PEX7: variants seen among roughly 807,000 people sequenced by gnomAD.
PEX7 encodes the protein peroxisomal biogenesis factor 7.
Under a neutral mutation model 47.5 loss-of-function variants are expected in PEX7, and 34 were observed. That is an observed-to-expected ratio of 0.72 (90% CI 0.54 to 0.95). The LOEUF (loss-of-function observed/expected upper bound fraction) is 0.95, where lower values mean the gene tolerates loss of function less well. Among genes scored for constraint, PEX7 ranks in the 40% least tolerant of loss-of-function variants. The pLI, the probability that PEX7 is intolerant of heterozygous loss-of-function variation, is 0.00. For synonymous variants in PEX7, 141 were observed against 148.8 expected (o/e 0.95, Z 0.38); for missense variants, 394 against 400.3 (o/e 0.98, Z 0.13).
chr6:136,902,189 TAGAA>T (rs975540036), intron 9 of PEX7, among the ~76,000 whole-genome samples: 2 of 152,344 alleles, frequency 1.3e-5, no homozygotes, highest in Middle Eastern at 3.4e-3. Context: ...TTTATTCCCT[TAGAA>T]AGTATCTTTC....
rs1774167462 is a variant in PEX7, at chr6:136,825,277, G to A, written c.188+6G>A. ...GGGCTAAGGCTTTTTAGAAGGTAAGGGGGCTGAAATTATTAAAGGTATATA... is the reference window on the plus strand; with the variant it reads ...GGGCTAAGGCTTTTTAGAAGGTAAGAGGGCTGAAATTATTAAAGGTATATA... On this transcript the variant is annotated splice_donor_region_variant and intron_variant, in intron 2 of 9. Transcript: ENST00000318471. 1.9e-6 allele frequency: 3 copies of A among 1,607,576 alleles called. No individual in the cohort carries two copies. The highest frequency in any genetic ancestry group is 1.7e-5 in the Admixed American group (1 of 59,990).
chr6:136,877,539 C>T (rs1048768705), intron 8 of PEX7, among the ~76,000 whole-genome samples: 15 of 152,166 alleles, frequency 9.9e-5, no homozygotes, highest in African/African-American at 3.6e-4. Context: ...TATGGCTAAC[C>T]AGTTTTTCCA....
At chr6:136,843,782 C>A (rs1449409925) in intron 3 of PEX7, among the ~76,000 whole-genome samples, 1 of 152,076 alleles carries the variant, frequency 6.6e-6, no homozygotes, top group Non-Finnish European at 1.5e-5. Context: ...TAGCTGCTGT[C>A]TGTTGCTGGA....
At chr6:136,903,716 A>G (rs934372622) in intron 9 of PEX7, among the ~76,000 whole-genome samples, 15 of 152,044 alleles carry the variant, frequency 9.9e-5, no homozygotes, top group African/African-American at 3.4e-4. Flanking sequence ...GCTGGAATGC[A>G]GTGGTACGTC....
chr6:136,827,663 G>C (rs1325904981), intron 3 of PEX7, among the ~76,000 whole-genome samples: 1 of 152,034 alleles, frequency 6.6e-6, no homozygotes, highest in Non-Finnish European at 1.5e-5. Context: ...CACCCGAGTA[G>C]CTGGGATTAC....
intron 6 of PEX7, among the ~76,000 whole-genome samples, chr6:136,867,077 G>A (rs1417931149): frequency 1.3e-5 from 2 of 152,074 alleles, no homozygotes; most frequent in Non-Finnish European, 2.9e-5. Context: ...CACTTTGCTA[G>A]TCAGGCTGTT....
intron 3 of PEX7, among the ~76,000 whole-genome samples, chr6:136,843,915 C>T (rs950012210): frequency 6.6e-6 from 1 of 151,050 alleles, no homozygotes; most frequent in Non-Finnish European, 1.5e-5. Flanking sequence ...TAAGGGGGCC[C>T]CAAAAAACTT....
In PEX7 at chr6:136,846,104, C is replaced by G. The variant is rs957954726; in HGVS notation, c.449C>G (p.Thr150Ser). The change falls in exon 5 of 10, where the codon ACC (threonine) becomes AGC (serine). Residue 150 changes from threonine to serine, a missense_variant. Coordinates refer to ENST00000318471, the MANE Select transcript of PEX7 (RefSeq NM_000288.4). ...CCAACTGTTGGAAAGTCTCTGTGCA[C>G]CTTTAGAGGCCATGAAAGTATTATT... ...WDPTVGKSLCTFRGHESIIYS... is the reference protein window; with the variant it reads ...WDPTVGKSLCSFRGHESIIYS... 6.2e-7 allele frequency: 1 copy of G among 1,612,976 alleles called. No homozygotes were observed. The highest frequency in any genetic ancestry group is 1.3e-5 in the African/African-American group (1 of 74,962).
chr6:136,868,097 G>A (rs746951953), intron 6 of PEX7, among the ~76,000 whole-genome samples: 5 of 152,154 alleles, frequency 3.3e-5, no homozygotes, highest in Non-Finnish European at 5.9e-5. Context: ...GTAGCCTACA[G>A]TATTCAGTAC....
At chr6:136,902,636 A>T (rs1443960464) in intron 9 of PEX7, among the ~76,000 whole-genome samples, 1 of 151,024 alleles carries the variant, frequency 6.6e-6, no homozygotes, top group Non-Finnish European at 1.5e-5. Flanking sequence ...TTTCTTTCTT[A>T]TCCTTCTTAT....
At chr6:136,849,480 G>A (rs188722575) in intron 5 of PEX7, among the ~76,000 whole-genome samples, 3 of 152,066 alleles carry the variant, frequency 2.0e-5, no homozygotes, top group African/African-American at 7.2e-5. Context: ...TCTTTCTCTT[G>A]TGGGCATTTA....
intron 5 of PEX7, among the ~76,000 whole-genome samples, chr6:136,855,256 G>A (rs1774838889): frequency 6.6e-6 from 1 of 151,924 alleles, no homozygotes; most frequent in African/African-American, 2.4e-5. Context: ...ACAATTGATA[G>A]GTCTTAAAAA....
At chr6:136,835,513 T>A (rs1352025100) in intron 3 of PEX7, among the ~76,000 whole-genome samples, 1 of 152,114 alleles carries the variant, frequency 6.6e-6, no homozygotes, top group South Asian at 2.1e-4. Context: ...GGTCTCGAAC[T>A]CCTGACCTTG....
intron 1 of PEX7, chr6:136,823,343 C>G (rs2115124663): frequency 1.0e-6 from 1 of 985,410 alleles, no homozygotes; most frequent in Admixed American, 6.1e-5. Context: ...TCAGTTCTTA[C>G]CTGTAGTTGT....
At chr6:136,833,581 T>G (rs1412436857) in intron 3 of PEX7, among the ~76,000 whole-genome samples, 4 of 152,234 alleles carry the variant, frequency 2.6e-5, no homozygotes, top group Admixed American at 1.3e-4. Context: ...TATTTCTTTT[T>G]GCATATTTAG....
chr6:136,862,043 T>A (rs1203496548), intron 5 of PEX7, among the ~76,000 whole-genome samples: 2 of 130,736 alleles, frequency 1.5e-5, no homozygotes, highest in East Asian at 2.0e-4. Flanking sequence ...TTTATATATA[T>A]TATATATATA....
At chr6:136,894,920 A>G (rs1447573322) in intron 8 of PEX7, among the ~76,000 whole-genome samples, 1 of 152,218 alleles carries the variant, frequency 6.6e-6, no homozygotes. Context: ...TTGACCACTT[A>G]ATGATATATG....
chr6:136,871,248 C>T (rs940338578), intron 7 of PEX7, among the ~76,000 whole-genome samples: 1 of 151,934 alleles, frequency 6.6e-6, no homozygotes, highest in Non-Finnish European at 1.5e-5. Flanking sequence ...TATTAAAGTG[C>T]GATAAGACAA....
chr6:136,850,917 G>GT (rs35220728), intron 5 of PEX7, among the ~76,000 whole-genome samples: 2,946 of 69,124 alleles, frequency 0.043, 114 homozygotes, highest in African/African-American at 0.071. Flanking sequence ...AAAACTGATG[G>GT]TTTTTTTTTT....
Sources: allele counts gnomAD v4.1 joint callset (sites outside exome capture counted in the v4.1 genomes callset), GRCh38; gene constraint gnomAD v4.1.1; transcripts MANE v1.5; gene names NCBI Gene and HGNC (gene_info 2026-07-23, HGNC 2026-07-21).